Variants in C12orf42 observed in about 807,000 individuals in gnomAD.
The protein encoded by C12orf42 is chromosome 12 open reading frame 42.
Under a neutral mutation model 21.6 loss-of-function variants are expected in C12orf42, and 25 were observed. The observed-to-expected ratio is 1.16, with a 90% CI of 0.84 to 1.62. The LOEUF (loss-of-function observed/expected upper bound fraction) is 1.62, where lower values mean the gene tolerates loss of function less well. C12orf42 is among the 40% of genes most tolerant of loss of function. C12orf42 has a pLI of 0.00. For synonymous variants in C12orf42, 174 were observed against 175.0 expected (o/e 0.99, Z 0.05); for missense variants, 483 against 459.3 (o/e 1.05, Z -0.47).
intron 10 of C12orf42, among the ~76,000 whole-genome samples, chr12:103,241,609 C>G (rs1261385603): frequency 6.6e-6 from 1 of 152,132 alleles, no homozygotes; most frequent in Non-Finnish European, 1.5e-5. Context: ...CTCTGGGTCT[C>G]ATTGTCTTGG....
chr12:103,522,762 C>A, the C12orf42 span, among the ~76,000 whole-genome samples: 1 of 152,368 alleles, frequency 6.6e-6, no homozygotes, highest in African/African-American at 2.4e-5. Flanking sequence ...TCACTCCCTG[C>A]ACCTTGAAAT....
At chr12:103,364,078 T>C (rs112863157) in intron 4 of C12orf42, among the ~76,000 whole-genome samples, 223 of 152,202 alleles carry the variant, frequency 1.5e-3, no homozygotes, top group Non-Finnish European at 1.3e-3. Context: ...CTCTCCAAGA[T>C]AGACCATGTG....
the C12orf42 span, among the ~76,000 whole-genome samples, chr12:103,057,314 A>G: frequency 5.9e-5 from 9 of 152,018 alleles, no homozygotes; most frequent in African/African-American, 1.9e-4. Context: ...TAAGCCCCAC[A>G]TGCATTAGTT....
intron 4 of C12orf42, among the ~76,000 whole-genome samples, chr12:103,331,966 G>C (rs1425875615): frequency 6.6e-6 from 1 of 152,210 alleles, no homozygotes; most frequent in Non-Finnish European, 1.5e-5. Flanking sequence ...CAATGGAACT[G>C]GGCTCTGGAG....
At chr12:103,080,422 C>G in the C12orf42 span, among the ~76,000 whole-genome samples, 1,809 of 152,222 alleles carry the variant, frequency 0.012, 42 homozygotes, top group African/African-American at 0.041. Context: ...GCTTCATCAA[C>G]TTCTGTTGCT....
chr12:103,300,763 T>G (rs922221223), downstream of C12orf42, among the ~76,000 whole-genome samples: 6 of 152,190 alleles, frequency 3.9e-5, no homozygotes, highest in African/African-American at 1.4e-4. Context: ...TCCAACCAAA[T>G]GGCATGAAGT....
chr12:103,439,197 C>A (rs1054930555), intron 2 of C12orf42, among the ~76,000 whole-genome samples: 4 of 151,168 alleles, frequency 2.6e-5, no homozygotes, highest in African/African-American at 9.7e-5. Context: ...GGAAAACTGG[C>A]TAGCCATATG....
At chr12:103,363,258 A>T (rs1339861968) in intron 4 of C12orf42, among the ~76,000 whole-genome samples, 1 of 152,136 alleles carries the variant, frequency 6.6e-6, no homozygotes, top group Non-Finnish European at 1.5e-5. Context: ...AAGCTTCATA[A>T]ATAAAGGAAA....
At chr12:103,402,017 T>C (rs1428714455) in intron 2 of C12orf42, among the ~76,000 whole-genome samples, 1 of 152,206 alleles carries the variant, frequency 6.6e-6, no homozygotes, top group East Asian at 1.9e-4. Flanking sequence ...GAAATAGAAT[T>C]AAACATTTAC....
chr12:103,399,575 C>A (rs2047820659), intron 3 of C12orf42, among the ~76,000 whole-genome samples: 1 of 151,832 alleles, frequency 6.6e-6, no homozygotes, highest in Admixed American at 6.6e-5. Context: ...CCTCCTCCTA[C>A]CCCAAGAGAC....
chr12:103,066,510 A>C, the C12orf42 span, among the ~76,000 whole-genome samples: 2 of 152,194 alleles, frequency 1.3e-5, no homozygotes, highest in African/African-American at 4.8e-5. Context: ...ATATGCAGGC[A>C]CCATTCAAAA....
At chr12:103,122,979 T>A in the C12orf42 span, among the ~76,000 whole-genome samples, 52,651 of 151,922 alleles carry the variant, frequency 0.35, 9,561 homozygotes, top group East Asian at 0.48. Flanking sequence ...GGAATAATTA[T>A]GAAGCTGCTA....
At chr12:103,428,097 TAGA>T (rs965861192) in intron 2 of C12orf42, among the ~76,000 whole-genome samples, 6 of 151,488 alleles carry the variant, frequency 4.0e-5, no homozygotes, top group African/African-American at 9.7e-5. Flanking sequence ...ATTCAAAAGC[TAGA>T]AGAAGAATAA....
chr12:103,378,221 A>G (rs962067280), intron 3 of C12orf42, among the ~76,000 whole-genome samples: 1 of 152,176 alleles, frequency 6.6e-6, no homozygotes, highest in Admixed American at 6.5e-5. Flanking sequence ...TACAGAGTTT[A>G]GGGAAGGGGA....
At chr12:103,334,029 A>G (rs1384826507) in intron 4 of C12orf42, among the ~76,000 whole-genome samples, 2 of 152,202 alleles carry the variant, frequency 1.3e-5, no homozygotes, top group Non-Finnish European at 2.9e-5. Context: ...TTTTAGCTTA[A>G]TCTGTACTTT....
the C12orf42 span, among the ~76,000 whole-genome samples, chr12:103,212,722 T>A: frequency 1.3e-5 from 2 of 152,176 alleles, no homozygotes; most frequent in Non-Finnish European, 2.9e-5. Context: ...GTTATTAGCA[T>A]AGTTAATTCT....
the C12orf42 span, among the ~76,000 whole-genome samples, chr12:103,520,158 G>A: frequency 1.1e-3 from 174 of 152,212 alleles, no homozygotes; most frequent in Non-Finnish European, 1.8e-3. Context: ...ATGATGTATG[G>A]TGTGCCTGTA....
chr12:103,335,424 A>C (rs762341970), intron 4 of C12orf42, among the ~76,000 whole-genome samples: 28 of 152,162 alleles, frequency 1.8e-4, no homozygotes, highest in Non-Finnish European at 3.2e-4. Flanking sequence ...TAATAGGCAG[A>C]TAATTGCTCT....
chr12:103,551,162 C>G, the C12orf42 span, among the ~76,000 whole-genome samples: 1 of 152,006 alleles, frequency 6.6e-6, no homozygotes, highest in African/African-American at 2.4e-5. Context: ...GCTTGTTTCT[C>G]CACTTCTTTT....
Sources: allele counts gnomAD v4.1 joint callset (sites outside exome capture counted in the v4.1 genomes callset), GRCh38; gene constraint gnomAD v4.1.1; transcripts MANE v1.5; gene names NCBI Gene and HGNC (gene_info 2026-07-23, HGNC 2026-07-21).